The following KCNIP4 variants were observed in gnomAD, a reference collection of about 807,000 sequenced individuals.
The protein encoded by KCNIP4 is potassium voltage-gated channel interacting protein 4.
A neutral mutation model predicts 34.0 loss-of-function variants in KCNIP4; 12 were observed. That is an observed-to-expected ratio of 0.35 (90% CI 0.23 to 0.57). KCNIP4 has a LOEUF of 0.57. Ranked by LOEUF, KCNIP4 falls within the 20% of genes least tolerant of loss-of-function variation. The pLI is 0.83. For synonymous variants in KCNIP4, 124 were observed against 102.2 expected, an observed-to-expected ratio of 1.21 and a Z score of -1.29; for missense variants, 238 against 311.7, an observed-to-expected ratio of 0.76 and a Z score of 1.78.
intron 1 of KCNIP4, among the ~76,000 whole-genome samples, chr4:21,504,382 C>T (rs1246960422): frequency 6.7e-6 from 1 of 148,392 alleles, no homozygotes; most frequent in Non-Finnish European, 1.5e-5. Context: ...GGAGGAGGAT[C>T]GTTTGAACCT....
intron 1 of KCNIP4, among the ~76,000 whole-genome samples, chr4:21,859,301 C>T (rs1268226440): frequency 6.6e-6 from 1 of 152,036 alleles, no homozygotes; most frequent in Non-Finnish European, 1.5e-5. Context: ...TCCTGCTATC[C>T]TTTTGAGGAC....
intron 1 of KCNIP4, among the ~76,000 whole-genome samples, chr4:21,519,054 C>T (rs1282422636): frequency 2.0e-5 from 3 of 152,090 alleles, no homozygotes; most frequent in East Asian, 1.9e-4. Context: ...AATTTTCCCA[C>T]GGTCACGGTT....
chr4:21,382,733 A>T (rs1317893957), intron 1 of KCNIP4, among the ~76,000 whole-genome samples: 1 of 152,206 alleles, frequency 6.6e-6, no homozygotes, highest in Non-Finnish European at 1.5e-5. Flanking sequence ...CCATGGCTCA[A>T]ATCTGAATTA....
chr4:20,843,194 C>T (rs1719956628), intron 3 of KCNIP4, among the ~76,000 whole-genome samples: 1 of 152,110 alleles, frequency 6.6e-6, no homozygotes, highest in African/African-American at 2.4e-5. Flanking sequence ...AGGAATGAGC[C>T]ACCATGCCCA....
At chr4:21,094,790 A>G (rs1333952488) in intron 1 of KCNIP4, among the ~76,000 whole-genome samples, 2 of 152,182 alleles carry the variant, frequency 1.3e-5, no homozygotes, top group Non-Finnish European at 2.9e-5. Flanking sequence ...GGTCAATATA[A>G]AAATAACTGA....
At chr4:21,238,227 T>C (rs1490958618) in intron 1 of KCNIP4, among the ~76,000 whole-genome samples, 1 of 152,168 alleles carries the variant, frequency 6.6e-6, no homozygotes, top group African/African-American at 2.4e-5. Flanking sequence ...ATGGGATGTA[T>C]CTCAAAATAA....
intron 5 of KCNIP4, among the ~76,000 whole-genome samples, chr4:20,740,034 A>C (rs1005681066): frequency 2.0e-5 from 3 of 152,214 alleles, no homozygotes; most frequent in Non-Finnish European, 4.4e-5. Context: ...CGAGAAGAGA[A>C]GTATAGAGAA....
At chr4:21,403,735 G>A (rs1453695730) in intron 1 of KCNIP4, among the ~76,000 whole-genome samples, 4 of 152,122 alleles carry the variant, frequency 2.6e-5, no homozygotes, top group Non-Finnish European at 1.5e-5. Flanking sequence ...CCAAGATCAA[G>A]GTGCAACAGA....
intron 1 of KCNIP4, among the ~76,000 whole-genome samples, chr4:21,536,566 G>A (rs1407007266): frequency 1.3e-5 from 2 of 152,022 alleles, no homozygotes; most frequent in African/African-American, 4.8e-5. Context: ...ATCGCTTGAG[G>A]CCAGGACTTC....
intron 1 of KCNIP4, among the ~76,000 whole-genome samples, chr4:21,759,437 C>G (rs1717895361): frequency 6.6e-6 from 1 of 152,174 alleles, no homozygotes; most frequent in Admixed American, 6.5e-5. Flanking sequence ...AAATGAACAT[C>G]TTCAACTGAA....
intron 3 of KCNIP4, among the ~76,000 whole-genome samples, chr4:20,812,724 C>T (rs1316521914): frequency 6.6e-6 from 1 of 152,046 alleles, no homozygotes; most frequent in Non-Finnish European, 1.5e-5. Context: ...GTATTTGCTT[C>T]ATGATATATA....
intron 1 of KCNIP4, among the ~76,000 whole-genome samples, chr4:21,322,110 G>GAAGGAAGA (rs1714549805): frequency 7.4e-6 from 1 of 135,790 alleles, no homozygotes; most frequent in African/African-American, 2.8e-5. Context: ...AAGAGGAAGG[G>GAAGGAAGA]AAGGAAGAAA....
At chr4:21,568,675 C>A (rs1740107175) in intron 1 of KCNIP4, among the ~76,000 whole-genome samples, 1 of 152,122 alleles carries the variant, frequency 6.6e-6, no homozygotes, top group African/African-American at 2.4e-5. Context: ...CTTGGACTTA[C>A]CCCAGTGCTT....
At chr4:21,066,568 A>ATG (rs1744409102) in intron 1 of KCNIP4, among the ~76,000 whole-genome samples, 1 of 152,122 alleles carries the variant, frequency 6.6e-6, no homozygotes, top group Non-Finnish European at 1.5e-5. Context: ...CACTGAGAGA[A>ATG]TGTCTGCGCC....
intron 1 of KCNIP4, among the ~76,000 whole-genome samples, chr4:21,252,268 C>T (rs1760765590): frequency 6.6e-6 from 1 of 151,700 alleles, no homozygotes; most frequent in Non-Finnish European, 1.5e-5. Context: ...GCCAGGATTA[C>T]AGGCGGGCAC....
At chr4:21,507,978 A>C (rs1280356096) in intron 1 of KCNIP4, among the ~76,000 whole-genome samples, 1 of 152,144 alleles carries the variant, frequency 6.6e-6, no homozygotes, top group Non-Finnish European at 1.5e-5. Flanking sequence ...ATCTCTTTTT[A>C]TCCCCAGAAG....
chr4:21,838,482 AT>A (rs1264940942), intron 1 of KCNIP4, among the ~76,000 whole-genome samples: 7 of 152,222 alleles, frequency 4.6e-5, no homozygotes, highest in Non-Finnish European at 8.8e-5. Context: ...CACCCCAGTC[AT>A]AGAAGAATGA....
chr4:20,777,548 TCCATGAA>T (rs1756478242), intron 3 of KCNIP4, among the ~76,000 whole-genome samples: 1 of 152,164 alleles, frequency 6.6e-6, no homozygotes, highest in Admixed American at 6.5e-5. Flanking sequence ...AATATGGTCT[TCCATGAA>T]CCAGGAAGAG....
intron 1 of KCNIP4, among the ~76,000 whole-genome samples, chr4:20,928,009 T>A (rs570354773): frequency 0.024 from 3,637 of 152,138 alleles, 129 homozygotes; most frequent in African/African-American, 0.075. Flanking sequence ...TGATAGAAAA[T>A]ACTAGAATAA....
Sources: allele counts gnomAD v4.1 joint callset (sites outside exome capture counted in the v4.1 genomes callset), GRCh38; gene constraint gnomAD v4.1.1; transcripts MANE v1.5; gene names NCBI Gene and HGNC (gene_info 2026-07-23, HGNC 2026-07-21).